The following ZBTB17 variants were observed in gnomAD, a reference collection of about 807,000 sequenced individuals.
The protein encoded by ZBTB17 is zinc finger and BTB domain-containing protein 17.
ZBTB17 carries 24 observed loss-of-function variants against 85.1 expected under a neutral mutation model. The ratio of observed to expected loss-of-function variants is 0.28; its 90% CI spans 0.20 to 0.40. ZBTB17 has a LOEUF of 0.40. Ranked by LOEUF, ZBTB17 falls within the 10% of genes least tolerant of loss-of-function variation. The pLI is 1.00. For missense variants in ZBTB17, 743 were observed against 1,105.1 expected (o/e 0.67, Z 4.65); for synonymous variants, 464 against 460.2 (o/e 1.01, Z -0.11).
intron 2 of ZBTB17, among the ~76,000 whole-genome samples, chr1:15,959,747 T>C (rs1426296641): frequency 1.3e-5 from 2 of 151,804 alleles, no homozygotes; most frequent in East Asian, 3.9e-4. Flanking sequence ...CACTCCAGCA[T>C]AGGCAACAGA....
chr1:15,947,567 A>C (rs1295730259), intron 3 of ZBTB17, among the ~76,000 whole-genome samples: 1 of 151,434 alleles, frequency 6.6e-6, no homozygotes, highest in Non-Finnish European at 1.5e-5. Flanking sequence ...ACAGAGTGTG[A>C]ATGCCTGCCC....
chr1:15,944,145 G>A (rs1270796191), intron 9 of ZBTB17, 155 bp downstream of exon 9: 22 of 1,212,262 alleles, frequency 1.8e-5, no homozygotes, highest in Non-Finnish European at 2.5e-5. Flanking sequence ...GCTCCCCCGC[G>A]GAAGTGGCTC....
chr1:15,951,826 A>G lies in ZBTB17; in HGVS notation c.-2-3329T>C, dbSNP rs2071864750. Among the ~76,000 whole-genome samples, 2 of 152,100 alleles carry G rather than the reference A, an allele frequency of 1.3e-5. No individual in the cohort carries two copies. Among genetic ancestry groups the G allele is most frequent in the Admixed American group, 6.5e-5 (1 of 15,270 alleles). Reference sequence around the variant, plus strand: ...GAAGGGGTGTGCAGGTCCTAGGAACATATCCCCTCCTAAGTACGTGCTAGG... The same window carrying G: ...GAAGGGGTGTGCAGGTCCTAGGAACGTATCCCCTCCTAAGTACGTGCTAGG... On this transcript the variant is annotated intron_variant, in intron 2 of 15. Transcript: ENST00000375743. This position sits in a 1 kb window ranked among gnomAD's most constrained non-coding sequence, Gnocchi z 4.1.
intron 2 of ZBTB17, among the ~76,000 whole-genome samples, chr1:15,971,740 C>A (rs1437709610): frequency 6.6e-6 from 1 of 151,790 alleles, no homozygotes; most frequent in East Asian, 1.9e-4. Flanking sequence ...GAATTACCTG[C>A]CTGTCCTCAT....
At chr1:15,942,982 T>C in intron 13 of ZBTB17, 82 bp downstream of exon 13, 1 of 1,575,012 alleles carries the variant, frequency 6.3e-7, no homozygotes, top group Non-Finnish European at 8.6e-7. Context: ...GGCTGGGGTC[T>C]GGGGGGTCCC....
At chr1:15,947,501 G>A (rs940023247) in intron 3 of ZBTB17, among the ~76,000 whole-genome samples, 4 of 151,980 alleles carry the variant, frequency 2.6e-5, no homozygotes, top group Admixed American at 1.3e-4. Context: ...AAAAGGAGGT[G>A]TGAATATGCA....
At chr1:15,944,191 A>G in intron 9 of ZBTB17, 109 bp downstream of exon 9, 1 of 1,431,408 alleles carries the variant, frequency 7.0e-7, no homozygotes, top group Non-Finnish European at 9.5e-7. Flanking sequence ...CAAGCTGATG[A>G]GCTCCTGGAG....
In ZBTB17 at chr1:15,951,031, C is replaced by CATCCTGGACTGA. The variant is rs2071815036; in HGVS notation, c.-2-2535_-2-2534insTCAGTCCAGGAT. Among the ~76,000 whole-genome samples the CATCCTGGACTGA allele has an allele frequency of 7.2e-5, 11 of 152,258 alleles. No individual in the cohort carries two copies. Among genetic ancestry groups the CATCCTGGACTGA allele is most frequent in the Non-Finnish European group, 1.3e-4 (9 of 68,006 alleles). The stretch of plus-strand genomic sequence containing the variant: ...AAGGACAGGGTGGGTGGTGGCCCAG[C>CATCCTGGACTGA]CCCCCACATACCACCACCCGCCAAG... On this transcript the variant is annotated intron_variant, in intron 2 of 15. Transcript: ENST00000375743. The surrounding 1 kb of genome is among the most constrained non-coding windows in gnomAD (Gnocchi z 4.1).
intron 2 of ZBTB17, chr1:15,969,751 C>T (rs941197135): frequency 4.1e-6 from 2 of 493,658 alleles, no homozygotes; most frequent in African/African-American, 1.9e-5. Context: ...CACTGTGGGC[C>T]TCATGGGACA....
chr1:15,942,996 C>A, intron 13 of ZBTB17, 68 bp downstream of exon 13: 1 of 1,594,908 alleles, frequency 6.3e-7, no homozygotes, highest in Non-Finnish European at 8.6e-7. Flanking sequence ...GGGTCCCTTC[C>A]TTCCCCCTGC....
intron 2 of ZBTB17, among the ~76,000 whole-genome samples, chr1:15,950,898 G>C (rs1449045232): frequency 1.3e-5 from 2 of 152,198 alleles, no homozygotes; most frequent in Non-Finnish European, 2.9e-5. Context: ...GGCAAGCGCA[G>C]CCCCGCCCAG....
In ZBTB17 at chr1:15,944,947, T is replaced by C. The variant is rs2071531101; in HGVS notation, c.917A>G (p.His306Arg). 2.5e-6 allele frequency: 4 copies of C among 1,577,396 alleles called. No individual in the cohort carries two copies. Among genetic ancestry groups the C allele is most frequent in the Non-Finnish European group, 3.4e-6 (4 of 1,164,272 alleles). ...CATAGTCTCCCTCACCTCGCACTTG[T>C]GGATGACGGAGCCGTAGGCCTTGGA... is the stretch of plus-strand genomic sequence containing the variant. ...TESKAYGSVI[H>R]KCEDCGKEFT... is the part of the protein sequence containing the mutation. Residue 306 changes from histidine to arginine, a missense_variant, in exon 7 of 16, where the codon CAC (histidine) becomes CGC (arginine). His to Arg is a conservative substitution (Grantham distance 29). Around this residue, in one of 4 missense-constraint regions of ZBTB17, gnomAD observed 279 missense variants for 269.9 expected, o/e 1.03. Coordinates refer to ENST00000375743, the MANE Select transcript of ZBTB17 (RefSeq NM_003443.3).
rs913029029 is a variant in ZBTB17, at chr1:15,944,940, G to A, written c.924C>T (p.Cys308=). The A allele has an allele frequency of 1.3e-6, 2 of 1,574,418 alleles. No homozygotes were observed. The highest frequency in any genetic ancestry group is 2.7e-5 in the African/African-American group (2 of 74,154). ...GGCTGGCCATAGTCTCCCTCACCTC[G>A]CACTTGTGGATGACGGAGCCGTAGG... ...SKAYGSVIHK[C]EDCGKEFTHT... The change falls in exon 7 of 16, where the codon TGC becomes TGT. Residue 308 remains cysteine, a synonymous_variant. Transcript: ENST00000375743.
At chr1:15,954,849 CA>C (rs1314305000) in intron 2 of ZBTB17, among the ~76,000 whole-genome samples, 1 of 151,292 alleles carries the variant, frequency 6.6e-6, no homozygotes, top group Admixed American at 6.6e-5. Context: ...GACCCTATCT[CA>C]AAAAAACAAA....
intron 2 of ZBTB17, among the ~76,000 whole-genome samples, chr1:15,949,344 C>A (rs1022112841): frequency 6.6e-6 from 1 of 152,236 alleles, no homozygotes; most frequent in Non-Finnish European, 1.5e-5. Flanking sequence ...CTCTCCCTCC[C>A]GCCCCAACAC....
In ZBTB17 at chr1:15,953,699, C is replaced by A. The variant is rs1239266739; in HGVS notation, c.-2-5202G>T. ...CTGAGCCCCATGGAAGCAGCAGAGCCTCCCGGGACAGGCCAAGCAGGACCT... is the reference window on the plus strand; with the variant it reads ...CTGAGCCCCATGGAAGCAGCAGAGCATCCCGGGACAGGCCAAGCAGGACCT... On this transcript the variant is annotated intron_variant, in intron 2 of 15. Coordinates refer to ENST00000375743, the MANE Select transcript of ZBTB17 (RefSeq NM_003443.3). The surrounding 1 kb of genome is among the most constrained non-coding windows in gnomAD (Gnocchi z 5.1). Among the ~76,000 whole-genome samples, 1 of 152,240 alleles carries A rather than the reference C, an allele frequency of 6.6e-6. No individual in the cohort carries two copies. Among genetic ancestry groups the A allele is most frequent in the Non-Finnish European group, 1.5e-5 (1 of 68,042 alleles).
chr1:15,957,994 T>A (rs2072112541), intron 2 of ZBTB17, among the ~76,000 whole-genome samples: 1 of 151,982 alleles, frequency 6.6e-6, no homozygotes, highest in South Asian at 2.1e-4. Context: ...GAACAAGATA[T>A]CCATGGAAGC....
chr1:15,965,710 A>G (rs2072419194), intron 2 of ZBTB17, among the ~76,000 whole-genome samples: 1 of 152,262 alleles, frequency 6.6e-6, no homozygotes, highest in Non-Finnish European at 1.5e-5. Context: ...TTCTCATACA[A>G]TGGAACATTA....
rs1177984000 is a variant in ZBTB17, at chr1:15,943,894, A to G, written c.1373T>C (p.Val458Ala). Residue 458 changes from valine (V) to alanine (A), a missense_variant and splice_region_variant, in exon 10 of 16, where the codon GTA becomes GCA. By Grantham distance (64) the Val-to-Ala change is moderately conservative. Around this residue, in one of 4 missense-constraint regions of ZBTB17, gnomAD observed 321 missense variants for 615.7 expected, o/e 0.52. Transcript: ENST00000375743. ...CPHCDKKFNQ[V>A]GNLKAHLKIH... ...CTTCAGGTGGGCCTTCAGGTTCCCT[A>G]CCTGTGCCCAGGGAGGGGTCAGGGG... is the stretch of plus-strand genomic sequence containing the variant. The G allele has an allele frequency of 2.5e-6, 4 of 1,595,204 alleles. No individual in the cohort carries two copies. Among genetic ancestry groups the G allele is most frequent in the Non-Finnish European group, 3.4e-6 (4 of 1,171,212 alleles).
Sources: allele counts gnomAD v4.1 joint callset (sites outside exome capture counted in the v4.1 genomes callset), GRCh38; gene constraint gnomAD v4.1.1; regional missense constraint gnomAD v4.1.1; non-coding constraint Gnocchi (gnomAD v3.1); transcripts MANE v1.5; gene names NCBI Gene and HGNC (gene_info 2026-07-23, HGNC 2026-07-21).